CPSF6: variants seen among roughly 807,000 people sequenced by gnomAD.
CPSF6 encodes cleavage and polyadenylation specific factor 6, also known as cleavage and polyadenylation specificity factor subunit 6.
In CPSF6, 10 loss-of-function variants were observed where a neutral mutation model predicts 56.7. The ratio of observed to expected loss-of-function variants is 0.18; its 90% CI spans 0.11 to 0.30. The LOEUF is 0.30. Ranked by LOEUF, CPSF6 falls within the 10% of genes least tolerant of loss-of-function variation. The probability of loss-of-function intolerance (pLI) is 1.00; values close to 1 mark genes in which losing one functional copy is unlikely to be tolerated. For missense variants in CPSF6, 419 were observed against 722.9 expected (o/e 0.58, Z 4.82); for synonymous variants, 248 against 244.8 (o/e 1.01, Z -0.12).
At chr12:69,256,013 A>G (rs1269477817) in intron 3 of CPSF6, among the ~76,000 whole-genome samples, 1 of 152,202 alleles carries the variant, frequency 6.6e-6, no homozygotes, top group East Asian at 1.9e-4. Flanking sequence ...ATTTCTTTTA[A>G]TGTTGTATAT....
In CPSF6 at chr12:69,256,833, T is replaced by G. The variant is rs1240609682; in HGVS notation, c.511T>G (p.Ser171Ala). ...KQFLSQFEMQ[S>A]RKTTQSGQMS... is the part of the protein sequence containing the mutation. ...GTTCCTGAGTCAATTTGAAATGCAG[T>G]CCAGGAAAAGTAAGCAGTCCTCAGA... Residue 171 changes from serine to alanine, a missense_variant, in exon 4 of 10, where the codon TCC (serine) becomes GCC (alanine). Physicochemically the swap from Ser to Ala is moderately conservative, Grantham distance 99 (BLOSUM62 1). Transcript: ENST00000435070. 6.2e-7 allele frequency: 1 copy of G among 1,606,010 alleles called. No individual in the cohort carries two copies. The highest frequency in any genetic ancestry group is 8.5e-7 in the Non-Finnish European group (1 of 1,177,752).
chr12:69,271,974 A>G lies in CPSF6; in HGVS notation c.*2466A>G, dbSNP rs1211891072. ...AAACAAACGAGTTGAATTTTAAAAC[A>G]TAGCATTTATTAGTGCTATACAGTC... On this transcript the variant is annotated 3_prime_UTR_variant, in exon 10 of 10. Coordinates refer to ENST00000435070, the MANE Select transcript of CPSF6 (RefSeq NM_007007.3). 1.3e-5 allele frequency: 2 copies of G among 151,754 alleles called. No homozygotes were observed. The highest frequency in any genetic ancestry group is 2.4e-5 in the African/African-American group (1 of 41,434). The allele number at this position is 151,754 out of a possible 1,614,324, so 9.4% of individuals were successfully genotyped here.
chr12:69,268,668 A>G (rs927007737), intron 9 of CPSF6, among the ~76,000 whole-genome samples: 3 of 151,778 alleles, frequency 2.0e-5, no homozygotes, highest in African/African-American at 7.2e-5. Flanking sequence ...TTCAGTGGTT[A>G]CTTATATCCA....
rs774899173 is a variant in CPSF6 at position 69,239,627 on chromosome 12, G to A, written c.-20G>A. ...CCTGCAGGAGGCGGCGGCGGCGGCG[G>A]CGGCCGAGGCTGAAGGAAGATGGCG... On this transcript the variant is annotated 5_prime_UTR_variant, in exon 1 of 10. Transcript: ENST00000435070. 4.5e-6 allele frequency: 7 copies of A among 1,560,564 alleles called. No individual in the cohort carries two copies. In the African/African-American group the frequency reaches 7.1e-5, roughly 16 times the overall value.
chr12:69,244,734 A>G (rs1871803520), intron 1 of CPSF6, among the ~76,000 whole-genome samples: 1 of 151,540 alleles, frequency 6.6e-6, no homozygotes, highest in Non-Finnish European at 1.5e-5. Context: ...TAAGATATAC[A>G]CACATTAACC....
At chr12:69,244,821 G>A (rs1026834740) in intron 1 of CPSF6, among the ~76,000 whole-genome samples, 56 of 152,046 alleles carry the variant, frequency 3.7e-4, no homozygotes, top group African/African-American at 1.4e-3. Context: ...AAGGTCTTCA[G>A]GGGCAGTATG....
At position 69,272,975 on chromosome 12, in the gene CPSF6, T is replaced by G. The variant is rs1236994360; in HGVS notation, c.*3467T>G. On this transcript the variant is annotated 3_prime_UTR_variant, in exon 10 of 10. Coordinates refer to ENST00000435070, the MANE Select transcript of CPSF6 (RefSeq NM_007007.3). ...TAAGCAACTTGACTCTTAGAAGCCT[T>G]AGACTGATTTTTTCAATAAATATTC... The G allele has an allele frequency of 4.0e-6, 1 of 250,924 alleles. No homozygotes were observed. Among genetic ancestry groups the G allele is most frequent in the East Asian group, 1.0e-4 (1 of 9,908 alleles). 15.5% of individuals were successfully genotyped at this position (250,924 alleles called of 1,614,324 possible). A position where few individuals can be genotyped will look rare whatever the true frequency, so the allele number is the denominator to read the frequency against.
intron 2 of CPSF6, chr12:69,252,318 A>C: frequency 3.3e-6 from 1 of 299,840 alleles, no homozygotes; most frequent in Admixed American, 4.8e-5. Context: ...TCCTGGCCTC[A>C]AGTGATCCTC....
At chr12:69,242,888 C>G (rs1168601617) in intron 1 of CPSF6, among the ~76,000 whole-genome samples, 3 of 152,052 alleles carry the variant, frequency 2.0e-5, no homozygotes, top group Admixed American at 6.5e-5. Flanking sequence ...GTGGGCAGAT[C>G]GCTTGAGGTC....
rs756559454 is a variant in CPSF6, at chr12:69,253,175, T to A, written c.374+21T>A. 15 of 1,299,560 alleles carry A rather than the reference T, an allele frequency of 1.2e-5. No homozygotes were observed. In the Admixed American group the frequency reaches 2.8e-4, roughly 24 times the overall value. The allele number at this position is 1,299,560 out of a possible 1,614,324, so 80.5% of individuals were successfully genotyped here. ...AAGGGGTAAGTTTTTTTTTTCTTTC[T>A]TTTTGATTTAGTAGCTAGTGATACA... On this transcript the variant is annotated intron_variant, in intron 3 of 9. Transcript: ENST00000435070.
At chr12:69,265,742 A>G (rs764072844) in intron 9 of CPSF6, among the ~76,000 whole-genome samples, 9 of 151,686 alleles carry the variant, frequency 5.9e-5, no homozygotes, top group Non-Finnish European at 1.2e-4. Context: ...AGCTAGGATT[A>G]CAGGCATGTG....
intron 4 of CPSF6, among the ~76,000 whole-genome samples, chr12:69,257,369 T>C (rs1277458876): frequency 2.6e-5 from 4 of 152,240 alleles, no homozygotes; most frequent in Non-Finnish European, 5.9e-5. Context: ...GTTCCTTTTC[T>C]TTTAATGTTT....
At chr12:69,256,668 T>C (rs1216237663) in intron 3 of CPSF6, 29 bp from the exon 4 acceptor site, 3 of 1,585,510 alleles carry the variant, frequency 1.9e-6, no homozygotes, top group Non-Finnish European at 2.6e-6. Flanking sequence ...CTTTTTACTT[T>C]GTATCCTCAC....
Position 69,272,167 on chromosome 12 carries a change from T to TG in CPSF6, c.*2660dup, listed in dbSNP as rs71094703. 1 of 151,160 alleles carries TG rather than the reference T, an allele frequency of 6.6e-6. No individual in the cohort carries two copies. Among genetic ancestry groups the TG allele is most frequent in the African/African-American group, 2.4e-5 (1 of 41,264 alleles). 9.4% of individuals were successfully genotyped at this position (151,160 alleles called of 1,614,324 possible). A position where few individuals can be genotyped will look rare whatever the true frequency, so the allele number is the denominator to read the frequency against. ...TTTGCAGATGTGTGTTTTTTTTTTT[T>TG]GTCACTTTTCATAAGGTTTGGAGTA... On this transcript the variant is annotated 3_prime_UTR_variant, in exon 10 of 10. Coordinates refer to ENST00000435070, the MANE Select transcript of CPSF6 (RefSeq NM_007007.3).
chr12:69,257,206 A>T (rs1161687286), intron 4 of CPSF6, among the ~76,000 whole-genome samples: 1 of 152,240 alleles, frequency 6.6e-6, no homozygotes, highest in East Asian at 1.9e-4. Flanking sequence ...GATCACTGAT[A>T]ACCAGAAAAT....
rs1248836755 is a variant in CPSF6 at position 69,258,709 on chromosome 12, C to T, written c.814C>T (p.Arg272Cys). The T allele has an allele frequency of 1.2e-6, 2 of 1,614,046 alleles. No homozygotes were observed. The highest frequency in any genetic ancestry group is 1.7e-5 in the Admixed American group (1 of 60,000). ...AGCTGGGCCTCCTAATCGAGGAGATCGCCCTCCACCACCAGTTCTTTTTCC... is the reference window on the plus strand; with the variant it reads ...AGCTGGGCCTCCTAATCGAGGAGATTGCCCTCCACCACCAGTTCTTTTTCC... ...PLAGPPNRGD[R>C]PPPPVLFPGQ... Residue 272 changes from arginine (R) to cysteine (C), a missense_variant, in exon 6 of 10, where the codon CGC becomes TGC. Arg to Cys is a radical substitution (Grantham distance 180, BLOSUM62 -3). Around this residue, in one of 4 missense-constraint regions of CPSF6, gnomAD observed 211 missense variants for 296.0 expected, o/e 0.71. Transcript: ENST00000435070. The surrounding 1 kb of genome is among the most constrained non-coding windows in gnomAD (Gnocchi z 4.2).
In CPSF6 at chr12:69,258,556, G is replaced by GTTTTTTTTTTTTTTTT; in HGVS notation, c.695-25_695-24insTTTTTTTTTTTTTTTT. 6.8e-7 allele frequency: 1 copy of GTTTTTTTTTTTTTTTT among 1,461,072 alleles called. No homozygotes were observed. Among genetic ancestry groups the GTTTTTTTTTTTTTTTT allele is most frequent in the Non-Finnish European group, 9.2e-7 (1 of 1,088,626 alleles). The allele number at this position is 1,461,072 out of a possible 1,614,324, so 90.5% of individuals were successfully genotyped here. ...AGTTAAAATATCTTATTAGTGAAGT[G>GTTTTTTTTTTTTTTTT]TTTTTTTTTCTCTCTTTCTCCTTTG... On this transcript the variant is annotated intron_variant, in intron 5 of 9. Coordinates refer to ENST00000435070, the MANE Select transcript of CPSF6 (RefSeq NM_007007.3). This position sits in a 1 kb window ranked among gnomAD's most constrained non-coding sequence, Gnocchi z 4.2.
chr12:69,259,313 A>G, intron 6 of CPSF6, 115 bp from the exon 7 acceptor site: 1 of 1,360,242 alleles, frequency 7.4e-7, no homozygotes, highest in Non-Finnish European at 9.9e-7. Context: ...TGGAAAAGTA[A>G]CTACTATCTC....
chr12:69,258,459 A>G lies in CPSF6; in HGVS notation c.695-131A>G, dbSNP rs1872599702. ...TGTAGTTGGTAGTGTAACATTTACC[A>G]TACGGGTTTAATTTAAAGACAAAGA... On this transcript the variant is annotated intron_variant, in intron 5 of 9. Coordinates refer to ENST00000435070, the MANE Select transcript of CPSF6 (RefSeq NM_007007.3). The surrounding 1 kb of genome is among the most constrained non-coding windows in gnomAD (Gnocchi z 4.2). 3.3e-6 allele frequency: 3 copies of G among 911,638 alleles called. No individual in the cohort carries two copies. The highest frequency in any genetic ancestry group is 4.8e-6 in the Non-Finnish European group (3 of 625,354). The allele number at this position is 911,638 out of a possible 1,614,324, so 56.5% of individuals were successfully genotyped here. A position where few individuals can be genotyped will look rare whatever the true frequency, so the allele number is the denominator to read the frequency against.
Sources: allele counts gnomAD v4.1 joint callset (sites outside exome capture counted in the v4.1 genomes callset), GRCh38; gene constraint gnomAD v4.1.1; regional missense constraint gnomAD v4.1.1; non-coding constraint Gnocchi (gnomAD v3.1); transcripts MANE v1.5; gene names NCBI Gene and HGNC (gene_info 2026-07-23, HGNC 2026-07-21).